Variants in ING2 observed in about 807,000 individuals in gnomAD.
ING2 encodes the protein inhibitor of growth protein 2.
ING2 carries 7 observed loss-of-function variants against 30.6 expected under a neutral mutation model. That is an observed-to-expected ratio of 0.23 (90% CI 0.13 to 0.43). The LOEUF (loss-of-function observed/expected upper bound fraction) is 0.43. Among genes scored for constraint, ING2 ranks in the 20% least tolerant of loss-of-function variants. ING2 has a pLI of 1.00. For missense variants in ING2, 239 were observed against 334.9 expected (o/e 0.71, Z 2.24); for synonymous variants, 136 against 121.7 (o/e 1.12, Z -0.78).
intron 1 of ING2, among the ~76,000 whole-genome samples, 162 bp downstream of exon 1, chr4:183,505,529 C>T (rs1734614612): frequency 6.6e-6 from 1 of 152,058 alleles, no homozygotes; most frequent in African/African-American, 2.4e-5. Context: ...CTCCGTGGCC[C>T]CGCGGTGGGC....
Position 183,510,635 on chromosome 4 carries a change from C to G in ING2, c.526C>G (p.Gln176Glu). 6.2e-7 allele frequency: 1 copy of G among 1,614,114 alleles called. No individual in the cohort carries two copies. The highest frequency in any genetic ancestry group is 1.3e-5 in the African/African-American group (1 of 75,046). ...AAATGGGATTGAAGACTGTGATGATCAGCCACCTAAAGAAAAGAAATCCAA... is the reference window on the plus strand; with the variant it reads ...AAATGGGATTGAAGACTGTGATGATGAGCCACCTAAAGAAAAGAAATCCAA... ...MANGIEDCDD[Q>E]PPKEKKSKSA... The change falls in exon 2 of 2, where the codon CAG becomes GAG. Residue 176 changes from glutamine to glutamate, a missense_variant. Transcript: ENST00000302327.
intron 1 of ING2, chr4:183,506,415 C>T (rs1397679020): frequency 1.1e-6 from 1 of 896,774 alleles, no homozygotes; most frequent in Non-Finnish European, 1.6e-6. Context: ...CCTTCTCCGA[C>T]TTTAAGTGTG....
chr4:183,510,170 T>C (rs1734789259), intron 1 of ING2, 112 bp from the exon 2 acceptor site: 1 of 718,988 alleles, frequency 1.4e-6, no homozygotes, highest in Admixed American at 2.8e-5. Context: ...CAAAGAGGAG[T>C]ATGGTTTCAT....
At chr4:183,507,364 G>A (rs2111087559) in intron 1 of ING2, among the ~76,000 whole-genome samples, 1 of 152,368 alleles carries the variant, frequency 6.6e-6, no homozygotes, top group South Asian at 2.1e-4. Flanking sequence ...GCCTCCGAAA[G>A]TGCTGGGATT....
intron 1 of ING2, among the ~76,000 whole-genome samples, chr4:183,509,312 G>A (rs1734756680): frequency 6.6e-6 from 1 of 152,198 alleles, no homozygotes; most frequent in South Asian, 2.1e-4. Flanking sequence ...AAGTTTTAGA[G>A]CTGGACCCCA....
At chr4:183,507,728 T>G (rs925091020) in intron 1 of ING2, among the ~76,000 whole-genome samples, 1 of 152,228 alleles carries the variant, frequency 6.6e-6, no homozygotes, top group Admixed American at 6.5e-5. Flanking sequence ...TTTTTATATC[T>G]TCACTAGTGC....
At position 183,510,863 on chromosome 4, in the gene ING2, A is replaced by ACT. The variant is rs1734806316; in HGVS notation, c.754_755insCT (p.Lys252ThrfsTer56). ...TTCACTTACCTATAAACCAAAGGGG[A>ACT]AATGGTATTGCCCAAAGTGCAGGGG... is the stretch of plus-strand genomic sequence containing the variant. On this transcript the variant is annotated frameshift_variant, in exon 2 of 2. Transcript: ENST00000302327. LOFTEE classifies it high-confidence loss of function. 6.2e-7 allele frequency: 1 copy of ACT among 1,614,034 alleles called. No homozygotes were observed. Among genetic ancestry groups the ACT allele is most frequent in the East Asian group, 2.2e-5 (1 of 44,892 alleles).
At position 183,512,158 on chromosome 4, in the gene ING2, G is replaced by T. The variant is rs1036615154; in HGVS notation, c.*1206G>T. Among the ~76,000 whole-genome samples the T allele has an allele frequency of 1.3e-5, 2 of 151,966 alleles. No individual in the cohort carries two copies. The highest frequency in any genetic ancestry group is 4.8e-5 in the African/African-American group (2 of 41,374). On this transcript the variant is annotated 3_prime_UTR_variant, in exon 2 of 2. Transcript: ENST00000302327. ...CTAGTTCTTTAAATCTGTGTGTAACGTATGTTTTATTCCTCATTTCTTCCT... is the reference window on the plus strand; with the variant it reads ...CTAGTTCTTTAAATCTGTGTGTAACTTATGTTTTATTCCTCATTTCTTCCT...
chr4:183,510,260 A>G (rs1560970890), intron 1 of ING2, 22 bp from the exon 2 acceptor site: 1 of 1,500,412 alleles, frequency 6.7e-7, no homozygotes, highest in Non-Finnish European at 9.0e-7. Context: ...TAACGTTCTC[A>G]TTTTTCTTTT....
At chr4:183,505,629 A>T (rs1003216928) in intron 1 of ING2, among the ~76,000 whole-genome samples, 1 of 151,904 alleles carries the variant, frequency 6.6e-6, no homozygotes, top group Non-Finnish European at 1.5e-5. Flanking sequence ...CGCTGAGGGG[A>T]ATCAGCCATT....
At chr4:183,509,814 A>G (rs939620424) in intron 1 of ING2, among the ~76,000 whole-genome samples, 4 of 146,934 alleles carry the variant, frequency 2.7e-5, no homozygotes, top group South Asian at 2.2e-4. Flanking sequence ...GCTCACGGCA[A>G]CCTCCGCCTT....
At chr4:183,509,517 C>G (rs1734761947) in intron 1 of ING2, among the ~76,000 whole-genome samples, 1 of 151,308 alleles carries the variant, frequency 6.6e-6, no homozygotes, top group Non-Finnish European at 1.5e-5. Context: ...GCGATCTCGG[C>G]TCACTGCAAG....
At chr4:183,506,053 G>A in intron 1 of ING2, 1 of 1,116,904 alleles carries the variant, frequency 9.0e-7, no homozygotes, top group African/African-American at 1.7e-5. Context: ...CCCGCGCCGG[G>A]GGCGGGGCCT....
At chr4:183,507,740 T>G (rs747376701) in intron 1 of ING2, among the ~76,000 whole-genome samples, 3 of 152,232 alleles carry the variant, frequency 2.0e-5, no homozygotes, top group Non-Finnish European at 4.4e-5. Flanking sequence ...CACTAGTGCT[T>G]AAGTATTTTC....
Position 183,505,267 on chromosome 4 carries a change from C to A in ING2, c.72C>A (p.Leu24=). ...ALLTGERSRL[L]TCYVQDYLEC... ...TGACCGGGGAGCGGAGCCGGCTGCT[C>A]ACCTGCTACGTGCAGGACTACCTTG... is the stretch of plus-strand genomic sequence containing the variant. Residue 24 remains leucine, a synonymous_variant, in exon 1 of 2, where the codon CTC becomes CTA. Coordinates refer to ENST00000302327, the MANE Select transcript of ING2 (RefSeq NM_001564.4). 6.3e-7 allele frequency: 1 copy of A among 1,590,116 alleles called. No homozygotes were observed. The highest frequency in any genetic ancestry group is 8.6e-7 in the Non-Finnish European group (1 of 1,169,536).
In ING2 at chr4:183,512,211, T is replaced by G. The variant is rs1349537387; in HGVS notation, c.*1259T>G. Among the ~76,000 whole-genome samples, 1 of 152,108 alleles carries G rather than the reference T, an allele frequency of 6.6e-6. No individual in the cohort carries two copies. The highest frequency in any genetic ancestry group is 1.5e-5 in the Non-Finnish European group (1 of 68,020). ...TCTGATGATCTTGATTCTTTTTGAT[T>G]AACATGAAAAATCCTGTCTGCTTGT... is the stretch of plus-strand genomic sequence containing the variant. On this transcript the variant is annotated 3_prime_UTR_variant, in exon 2 of 2. Coordinates refer to ENST00000302327, the MANE Select transcript of ING2 (RefSeq NM_001564.4).
chr4:183,506,084 G>T, intron 1 of ING2: 1 of 1,187,878 alleles, frequency 8.4e-7, no homozygotes, highest in Non-Finnish European at 1.1e-6. Context: ...CGAGGGGCGT[G>T]GGAGGGGCGC....
rs1436564223 is a variant in ING2 at position 183,505,116 on chromosome 4, C to G, written c.-80C>G. The G allele has an allele frequency of 2.1e-6, 3 of 1,403,330 alleles. No homozygotes were observed. The highest frequency in any genetic ancestry group is 3.0e-5 in the African/African-American group (2 of 65,984). The allele number at this position is 1,403,330 out of a possible 1,614,324, so 86.9% of individuals were successfully genotyped here. Reference sequence around the variant, plus strand: ...GTCCCCGCGGCGCCGGGCTGCTGAGCTGAGGGCCCGCGGCGGCCGCGGCCG... The same window carrying G: ...GTCCCCGCGGCGCCGGGCTGCTGAGGTGAGGGCCCGCGGCGGCCGCGGCCG... On this transcript the variant is annotated 5_prime_UTR_variant, in exon 1 of 2. Coordinates refer to ENST00000302327, the MANE Select transcript of ING2 (RefSeq NM_001564.4).
In ING2 at chr4:183,505,426, G is replaced by A. The variant is rs913200464; in HGVS notation, c.172+59G>A. ...GGTGGCGGGGAGCCTGTCCGGGGGA[G>A]TGCCACCTTCCCTTTCTCCCGTGAC... On this transcript the variant is annotated intron_variant, in intron 1 of 1. Coordinates refer to ENST00000302327, the MANE Select transcript of ING2 (RefSeq NM_001564.4). 8 of 1,430,010 alleles carry A rather than the reference G, an allele frequency of 5.6e-6. No homozygotes were observed. In the African/African-American group the frequency reaches 1.2e-4, roughly 21 times the overall value. 88.6% of individuals were successfully genotyped at this position (1,430,010 alleles called of 1,614,324 possible). A position where few individuals can be genotyped will look rare whatever the true frequency, so the allele number is the denominator to read the frequency against.
Sources: gnomAD v4.1 joint callset for allele counts (sites outside exome capture counted in the v4.1 genomes callset) on GRCh38, gnomAD v4.1.1 for gene constraint, MANE v1.5 for transcripts, NCBI Gene and HGNC (gene_info 2026-07-23, HGNC 2026-07-21) for gene names.